The following OCA2 variants were observed in gnomAD, a reference collection of about 807,000 sequenced individuals.
OCA2 encodes the protein P protein.
Under a neutral mutation model 100.2 loss-of-function variants are expected in OCA2, and 77 were observed. That is an observed-to-expected ratio of 0.77 (90% CI 0.64 to 0.93). The LOEUF (loss-of-function observed/expected upper bound fraction) is 0.93. OCA2 is among the 40% of genes least tolerant of loss of function. OCA2 has a pLI of 0.00. For synonymous variants in OCA2, 432 were observed against 439.2 expected (o/e 0.98, Z 0.21); for missense variants, 1,062 against 1,089.1 (o/e 0.98, Z 0.35).
At chr15:28,094,333 G>A (rs1566888223) in intron 1 of OCA2, among the ~76,000 whole-genome samples, 1 of 152,108 alleles carries the variant, frequency 6.6e-6, no homozygotes, top group Non-Finnish European at 1.5e-5. Flanking sequence ...CGCTTGACTT[G>A]CCTAGGGCAG....
intron 2 of OCA2, among the ~76,000 whole-genome samples, chr15:28,059,075 A>C (rs1189104791): frequency 1.3e-5 from 2 of 152,220 alleles, no homozygotes; most frequent in African/African-American, 4.8e-5. Flanking sequence ...AGATCACACC[A>C]AATGCACCTC....
Position 27,947,709 on chromosome 15 carries a change from T to C in OCA2, c.1951+4075A>G, listed in dbSNP as rs568644618. Among the ~76,000 whole-genome samples, 225 of 152,294 alleles carry C rather than the reference T, an allele frequency of 1.5e-3. 1 individual carries two copies. Among genetic ancestry groups the C allele is most frequent in the African/African-American group, 5.0e-3 (207 of 41,554 alleles). On this transcript the variant is annotated intron_variant, in intron 18 of 23. Transcript: ENST00000354638. ...TGCGCACCAGCCAGTAAACATTCCT[T>C]CTTGCTCTACTCAACCCCACAGACA...
intron 2 of OCA2, among the ~76,000 whole-genome samples, chr15:28,071,769 C>T (rs1017158964): frequency 2.0e-5 from 3 of 152,142 alleles, no homozygotes; most frequent in African/African-American, 7.2e-5. Flanking sequence ...AAAAGTAACG[C>T]AAAATAGATT....
At chr15:28,027,041 C>A (rs1272979859) in intron 4 of OCA2, among the ~76,000 whole-genome samples, 2 of 152,214 alleles carry the variant, frequency 1.3e-5, no homozygotes, top group Non-Finnish European at 2.9e-5. Flanking sequence ...CCACTGGTCC[C>A]GGCTCCAAAA....
intron 14 of OCA2, among the ~76,000 whole-genome samples, chr15:27,982,897 G>A (rs1595760071): frequency 6.6e-6 from 1 of 151,920 alleles, no homozygotes; most frequent in South Asian, 2.1e-4. Context: ...TATTTATATG[G>A]GGCTTTCAAA....
chr15:27,887,617 CTTTTT>C (rs34199755), intron 19 of OCA2, among the ~76,000 whole-genome samples: 1 of 120,282 alleles, frequency 8.3e-6, no homozygotes. Context: ...CACTAAACCT[CTTTTT>C]TTTTTTTTTT....
intron 2 of OCA2, among the ~76,000 whole-genome samples, 156 bp from the exon 3 acceptor site, chr15:28,032,319 A>C (rs2141381996): frequency 6.6e-6 from 1 of 152,314 alleles, no homozygotes; most frequent in Non-Finnish European, 1.5e-5. Flanking sequence ...AAAAGGCTGA[A>C]GTTTTAGAAG....
chr15:27,955,859 C>A (rs921198798), intron 16 of OCA2, among the ~76,000 whole-genome samples: 1 of 152,066 alleles, frequency 6.6e-6, no homozygotes, highest in Non-Finnish European at 1.5e-5. Flanking sequence ...CTTGCCTCTT[C>A]TTTTTCATGT....
chr15:27,844,753 G>A (rs1387976321), intron 23 of OCA2, among the ~76,000 whole-genome samples: 2 of 151,956 alleles, frequency 1.3e-5, no homozygotes, highest in African/African-American at 2.4e-5. Context: ...CACCCGTCTC[G>A]CCCTCCCAAA....
intron 21 of OCA2, among the ~76,000 whole-genome samples, chr15:27,861,772 G>A (rs779684515): frequency 2.6e-5 from 4 of 152,162 alleles, no homozygotes; most frequent in South Asian, 2.1e-4. Context: ...ACTCCCTTTC[G>A]AAGTGTCTGG....
chr15:28,027,472 C>G (rs1380903635), intron 4 of OCA2, among the ~76,000 whole-genome samples: 2 of 152,228 alleles, frequency 1.3e-5, no homozygotes, highest in Admixed American at 1.3e-4. Context: ...AAGGGAACCC[C>G]ACCCCTCAGG....
intron 19 of OCA2, chr15:27,895,807 C>A: frequency 2.3e-6 from 1 of 439,472 alleles, no homozygotes. Flanking sequence ...CTTGGAAATG[C>A]TTGGTGATAC....
chr15:27,727,109 C>T, the OCA2 span, among the ~76,000 whole-genome samples: 1 of 152,204 alleles, frequency 6.6e-6, no homozygotes, highest in South Asian at 2.1e-4. Context: ...AACAAAGCTT[C>T]TAACTCTAGG....
intron 6 of OCA2, among the ~76,000 whole-genome samples, chr15:28,019,808 G>A (rs74682908): frequency 3.3e-5 from 5 of 152,158 alleles, no homozygotes; most frequent in Non-Finnish European, 5.9e-5. Flanking sequence ...ATCACCTTGT[G>A]GGGGGCAGGG....
chr15:27,809,473 G>A (rs894412447), intron 23 of OCA2, among the ~76,000 whole-genome samples: 2 of 152,170 alleles, frequency 1.3e-5, no homozygotes, highest in African/African-American at 4.8e-5. Context: ...AGACAAGGAT[G>A]CTCTCTCTCA....
At chr15:27,808,906 G>A (rs1486321160) in intron 23 of OCA2, among the ~76,000 whole-genome samples, 1 of 152,190 alleles carries the variant, frequency 6.6e-6, no homozygotes, top group East Asian at 1.9e-4. Context: ...TTCTCCCCAT[G>A]ACTGAACAGA....
chr15:27,734,286 CAAAAAAAAAA>C, the OCA2 span, among the ~76,000 whole-genome samples: 1 of 76,370 alleles, frequency 1.3e-5, no homozygotes, highest in African/African-American at 4.2e-5. Context: ...TTTTCAAGAG[CAAAAAAAAAA>C]AAAAAAAAAA....
At chr15:27,896,743 G>C (rs2037708952) in intron 19 of OCA2, among the ~76,000 whole-genome samples, 1 of 151,950 alleles carries the variant, frequency 6.6e-6, no homozygotes, top group Admixed American at 6.6e-5. Context: ...GAGCATAAAA[G>C]TTTGGAAAAT....
intron 2 of OCA2, among the ~76,000 whole-genome samples, chr15:28,049,716 A>G (rs2043450983): frequency 6.6e-6 from 1 of 152,242 alleles, no homozygotes; most frequent in African/African-American, 2.4e-5. Flanking sequence ...CAAAAGGACA[A>G]ATGCTGCATG....
Sources: gnomAD v4.1 joint callset for allele counts (sites outside exome capture counted in the v4.1 genomes callset) on GRCh38, gnomAD v4.1.1 for gene constraint, MANE v1.5 for transcripts, NCBI Gene and HGNC (gene_info 2026-07-23, HGNC 2026-07-21) for gene names.